Variants in PEBP4 observed in about 807,000 individuals in gnomAD.
PEBP4 encodes phosphatidylethanolamine binding protein 4.
Under a neutral mutation model 23.9 loss-of-function variants are expected in PEBP4, and 22 were observed. That is an observed-to-expected ratio of 0.92 (90% CI 0.66 to 1.31). PEBP4 has a LOEUF of 1.31. PEBP4 is among the 40% of genes most tolerant of loss of function. The pLI, the probability that PEBP4 is intolerant of heterozygous loss-of-function variation, is 0.00. For missense variants in PEBP4, 324 were observed against 281.7 expected (o/e 1.15, Z -1.07); for synonymous variants, 112 against 99.3 (o/e 1.13, Z -0.76).
chr8:22,785,778 T>C (rs1292700571), intron 4 of PEBP4, among the ~76,000 whole-genome samples: 11 of 152,186 alleles, frequency 7.2e-5, no homozygotes, highest in Admixed American at 7.2e-4. Context: ...AGCTTGTCAA[T>C]GACTGTGAAT....
intron 4 of PEBP4, among the ~76,000 whole-genome samples, chr8:22,750,984 CT>C (rs1333992992): frequency 6.6e-6 from 1 of 152,132 alleles, no homozygotes; most frequent in African/African-American, 2.4e-5. Flanking sequence ...AAAGAATGCC[CT>C]TGTGAGTGAT....
At chr8:22,890,118 T>C (rs1439748906) in intron 3 of PEBP4, among the ~76,000 whole-genome samples, 3 of 152,238 alleles carry the variant, frequency 2.0e-5, no homozygotes, top group Non-Finnish European at 4.4e-5. Flanking sequence ...TGGAAGGAGA[T>C]AGGTGATGGA....
intron 3 of PEBP4, among the ~76,000 whole-genome samples, chr8:22,845,879 G>A (rs139685378): frequency 1.8e-4 from 27 of 152,344 alleles, no homozygotes; most frequent in East Asian, 9.7e-4. Context: ...GGCCTGGCCC[G>A]GCACAGAATG....
intron 5 of PEBP4, among the ~76,000 whole-genome samples, chr8:22,726,030 T>C (rs181183343): frequency 1.3e-5 from 2 of 148,818 alleles, no homozygotes; most frequent in Admixed American, 6.7e-5. Flanking sequence ...TGTGTGTGTG[T>C]GCACGCGCAT....
At chr8:22,778,014 C>T (rs1167603653) in intron 4 of PEBP4, among the ~76,000 whole-genome samples, 1 of 152,132 alleles carries the variant, frequency 6.6e-6, no homozygotes, top group Non-Finnish European at 1.5e-5. Context: ...AACAGAGTCC[C>T]ACAACGATGG....
At chr8:22,758,330 C>A (rs947978459) in intron 4 of PEBP4, 2 of 152,214 alleles carry the variant, frequency 1.3e-5, no homozygotes, top group African/African-American at 4.8e-5. Context: ...GTTCGGCAAA[C>A]TTTCTGGAAA....
At chr8:22,845,687 T>A (rs1479323612) in intron 3 of PEBP4, among the ~76,000 whole-genome samples, 1 of 152,198 alleles carries the variant, frequency 6.6e-6, no homozygotes, top group Non-Finnish European at 1.5e-5. Flanking sequence ...ATCCTTCAGG[T>A]TGAGAAATCC....
At chr8:22,737,294 CAAAAAAAAAAA>C (rs11302571) in intron 4 of PEBP4, among the ~76,000 whole-genome samples, 1 of 65,498 alleles carries the variant, frequency 1.5e-5, no homozygotes, top group Non-Finnish European at 3.1e-5. Context: ...GACTCCGTCT[CAAAAAAAAAAA>C]AAAAAAAAAA....
chr8:22,864,888 A>G (rs1320982110), intron 3 of PEBP4, among the ~76,000 whole-genome samples: 2 of 152,204 alleles, frequency 1.3e-5, no homozygotes, highest in Non-Finnish European at 2.9e-5. Flanking sequence ...AGCGCACCCC[A>G]TCTGTGTGGG....
At chr8:22,779,098 G>C (rs370542068) in intron 4 of PEBP4, among the ~76,000 whole-genome samples, 1 of 151,446 alleles carries the variant, frequency 6.6e-6, no homozygotes. Context: ...GGGGGATGGG[G>C]TTTCCTCACC....
At chr8:22,789,655 T>G (rs1017015186) in intron 4 of PEBP4, among the ~76,000 whole-genome samples, 2 of 152,292 alleles carry the variant, frequency 1.3e-5, no homozygotes, top group Admixed American at 1.3e-4. Context: ...TGGGGGTCCT[T>G]TGCGAGCTGA....
rs140744536 is a variant in PEBP4, at chr8:22,870,339, GA to G, written c.258+49844del. ...TAAGTGAAAGAAGCCAATTTAAAAA[GA>G]TTACATGCGGTAGGATCCTAACTAT... is the stretch of plus-strand genomic sequence containing the variant. On this transcript the variant is annotated intron_variant, in intron 3 of 6. Transcript: ENST00000256404. Among the ~76,000 whole-genome samples, 892 of 152,310 alleles carry G rather than the reference GA, an allele frequency of 5.9e-3. 17 individuals are homozygous for G. The highest frequency in any genetic ancestry group is 0.02 in the African/African-American group (849 of 41,568).
intron 4 of PEBP4, among the ~76,000 whole-genome samples, chr8:22,804,480 T>A (rs1434152010): frequency 6.6e-6 from 1 of 152,152 alleles, no homozygotes; most frequent in Admixed American, 6.5e-5. Flanking sequence ...CTTTCTTTCT[T>A]TTTTATTATG....
At position 22,713,494 on chromosome 8, in the gene PEBP4, C is replaced by T. The variant is rs1407035027; in HGVS notation, c.560G>A (p.Gly187Asp). 1.2e-5 allele frequency: 20 copies of T among 1,614,024 alleles called. No individual in the cohort carries two copies. The Admixed American group carries it at 2.7e-4, about 22-fold the overall frequency. Reference sequence around the variant, plus strand: ...GAACTGGGTGCTTGCTTCAGGTTCGCCCAGGTGGAAACGGTTCAGAAATCT... The same window carrying T: ...GAACTGGGTGCTTGCTTCAGGTTCGTCCAGGTGGAAACGGTTCAGAAATCT... ...MDRFLNRFHL[G>D]EPEASTQFMT... The change falls in exon 7 of 7, where the codon GGC becomes GAC. Residue 187 changes from glycine (G) to aspartate (D), a missense_variant. Gly to Asp is a moderately conservative substitution (Grantham distance 94). Coordinates refer to ENST00000256404, the MANE Select transcript of PEBP4 (RefSeq NM_144962.3).
chr8:22,918,584 T>TGTCTGCAGCATC (rs1463948827), intron 3 of PEBP4, among the ~76,000 whole-genome samples: 1 of 152,204 alleles, frequency 6.6e-6, no homozygotes, highest in Non-Finnish European at 1.5e-5. Context: ...ATCTAGTGGA[T>TGTCTGCAGCATC]GTCTGCAGCA....
chr8:22,788,277 T>C, intron 4 of PEBP4, among the ~76,000 whole-genome samples: 1 of 150,664 alleles, frequency 6.6e-6, no homozygotes, highest in East Asian at 2.0e-4. Context: ...GGACAAGAAC[T>C]GCATGTTTCC....
At chr8:22,745,160 C>A (rs935060147) in intron 4 of PEBP4, among the ~76,000 whole-genome samples, 14 of 152,228 alleles carry the variant, frequency 9.2e-5, no homozygotes, top group Non-Finnish European at 1.5e-5. Flanking sequence ...AAAAGCCCGT[C>A]TAGATCTTCC....
chr8:22,792,014 G>A (rs561958128), intron 4 of PEBP4, among the ~76,000 whole-genome samples: 20 of 148,350 alleles, frequency 1.3e-4, no homozygotes, highest in African/African-American at 3.9e-4. Flanking sequence ...ACACCACCAC[G>A]CCTGGCTAAG....
At chr8:22,886,114 T>C (rs1808368556) in intron 3 of PEBP4, 1 of 152,232 alleles carries the variant, frequency 6.6e-6, no homozygotes, top group Non-Finnish European at 1.5e-5. Context: ...GACTCCCTGC[T>C]CCAGAATAAC....
Sources: allele counts gnomAD v4.1 joint callset (sites outside exome capture counted in the v4.1 genomes callset), GRCh38; gene constraint gnomAD v4.1.1; transcripts MANE v1.5; gene names NCBI Gene and HGNC (gene_info 2026-07-23, HGNC 2026-07-21).